DNAH10: variants seen among roughly 807,000 people sequenced by gnomAD.
DNAH10 encodes axonemal beta dynein heavy chain 10.
Under a neutral mutation model 506.6 loss-of-function variants are expected in DNAH10, and 348 were observed. The ratio of observed to expected loss-of-function variants is 0.69; its 90% CI spans 0.63 to 0.75. The LOEUF is 0.75. Ranked by LOEUF, DNAH10 falls within the 30% of genes least tolerant of loss-of-function variation. The pLI, the probability that DNAH10 is intolerant of heterozygous loss-of-function variation, is 0.00. For missense variants in DNAH10, 5,179 were observed against 5,787.1 expected (o/e 0.89, Z 3.41); for synonymous variants, 2,059 against 2,198.6 (o/e 0.94, Z 1.78).
In DNAH10 at chr12:123,784,166, C is replaced by G. The variant is rs550759010; in HGVS notation, c.1219C>G (p.Arg407Gly). 5 of 1,613,982 alleles carry G rather than the reference C, an allele frequency of 3.1e-6. No individual in the cohort carries two copies. In the African/African-American group the frequency reaches 6.7e-5, roughly 22 times the overall value. The change falls in exon 8 of 79, where the codon CGT (arginine) becomes GGT (glycine). Residue 407 changes from arginine (R) to glycine (G), a missense_variant. Arg to Gly is a moderately radical substitution (Grantham distance 125, BLOSUM62 -2). Coordinates refer to ENST00000673944, the MANE Select transcript of DNAH10 (RefSeq NM_001372106.1). ...DNVRFLSTVE[R>G]YFKNITHGSG... is the part of the protein sequence containing the mutation. Reference sequence around the variant, plus strand: ...TGTGCGCTTTCTCTCCACCGTGGAGCGTTATTTCAAGGTATGCTGGGTGTG... The same window carrying G: ...TGTGCGCTTTCTCTCCACCGTGGAGGGTTATTTCAAGGTATGCTGGGTGTG...
chr12:123,772,452 G>C lies in DNAH10; in HGVS notation c.397-382G>C, dbSNP rs116885699. ...AGACCTGCTAAATGAACCCTGTTCT[G>C]TGAAAACCCCAAGGTTGGAGTTTAA... is the stretch of plus-strand genomic sequence containing the variant. On this transcript the variant is annotated intron_variant, in intron 3 of 78. Coordinates refer to ENST00000673944, the MANE Select transcript of DNAH10 (RefSeq NM_001372106.1). 7.6e-4 allele frequency among the ~76,000 whole-genome samples: 116 copies of C among 152,362 alleles called. No homozygotes were observed. The East Asian group carries it at 0.021, about 28-fold the overall frequency.
rs766540768 is a variant in DNAH10, at chr12:123,894,645, A to T, written c.9202A>T (p.Met3068Leu). 1 of 1,613,786 alleles carries T rather than the reference A, an allele frequency of 6.2e-7. No homozygotes were observed. The highest frequency in any genetic ancestry group is 8.5e-7 in the Non-Finnish European group (1 of 1,179,714). The change falls in exon 54 of 79, where the codon ATG (methionine) becomes TTG (leucine). Residue 3068 changes from methionine to leucine, a missense_variant and splice_region_variant. Met to Leu is a conservative substitution (Grantham distance 15, BLOSUM62 2). This residue lies in a region of DNAH10 where 4,844 missense variants were observed against 5,430.5 expected (regional missense o/e 0.89). Transcript: ENST00000673944. ...TTTAATCTCTCTTTCCTTTCAAGGT[A>T]TGGTAAATAACACTGGTATTGACTG... The part of the protein sequence containing the change: ...LRTWCRNFPG[M>L]VNNTGIDWFM...
intron 24 of DNAH10, 34 bp from the exon 25 acceptor site, chr12:123,826,653 T>A: frequency 6.3e-7 from 1 of 1,592,506 alleles, no homozygotes; most frequent in South Asian, 1.1e-5. Context: ...CAAAGGGGTC[T>A]TTGTTGATGG....
In DNAH10 at chr12:123,902,873, G is replaced by A. The variant is rs1422599338; in HGVS notation, c.9641-66G>A. The A allele has an allele frequency of 2.0e-6, 3 of 1,506,604 alleles. No individual in the cohort carries two copies. The African/African-American group carries it at 4.2e-5, about 21-fold the overall frequency. 93.3% of individuals were successfully genotyped at this position (1,506,604 alleles called of 1,614,324 possible). A position where few individuals can be genotyped will look rare whatever the true frequency, so the allele number is the denominator to read the frequency against. ...ACCTTTGAGGACTGCACTCTGCTCA[G>A]AGCCGGGGCCGCGAGTGCATCTCCT... On this transcript the variant is annotated intron_variant, in intron 56 of 78. Transcript: ENST00000673944. This position sits in a 1 kb window ranked among gnomAD's most constrained non-coding sequence, Gnocchi z 4.5.
chr12:123,835,372 C>T (rs764658205), intron 27 of DNAH10, 34 bp from the exon 28 acceptor site: 3 of 1,608,732 alleles, frequency 1.9e-6, no homozygotes, highest in South Asian at 1.1e-5. Flanking sequence ...TATCTGATAA[C>T]CCCTGCTGAC....
At chr12:123,870,300 G>A in intron 43 of DNAH10, 66 bp from the exon 44 acceptor site, 4 of 1,560,906 alleles carry the variant, frequency 2.6e-6, no homozygotes, top group Non-Finnish European at 2.6e-6. Context: ...TTTCAAGCAT[G>A]TGCCAGAACT....
intron 57 of DNAH10, chr12:123,908,272 C>G: frequency 2.2e-6 from 1 of 451,582 alleles, no homozygotes; most frequent in Non-Finnish European, 4.5e-6. Flanking sequence ...CTCCCTGTCT[C>G]TGTTCTTGTG....
intron 12 of DNAH10, among the ~76,000 whole-genome samples, chr12:123,794,700 TC>T (rs1958210241): frequency 6.6e-6 from 1 of 151,518 alleles, no homozygotes; most frequent in Non-Finnish European, 1.5e-5. Flanking sequence ...ATGAAAATTA[TC>T]CTGGTGTGGT....
intron 26 of DNAH10, among the ~76,000 whole-genome samples, chr12:123,831,709 G>A (rs894962893): frequency 1.2e-4 from 18 of 152,030 alleles, no homozygotes; most frequent in African/African-American, 3.4e-4. Flanking sequence ...TGGCTAACAC[G>A]GTGAAACCCC....
At chr12:123,934,505 G>C in intron 77 of DNAH10, 116 bp from the exon 78 acceptor site, 1 of 1,287,316 alleles carries the variant, frequency 7.8e-7, no homozygotes, top group African/African-American at 1.5e-5. Flanking sequence ...TCCCCAATGC[G>C]CTGGGGAGGA....
At chr12:123,901,200 GAGGCCTGTACC>G (rs1953503610) in intron 56 of DNAH10, among the ~76,000 whole-genome samples, 1 of 152,196 alleles carries the variant, frequency 6.6e-6, no homozygotes, top group Non-Finnish European at 1.5e-5. Context: ...TGAGGTTCCT[GAGGCCTGTACC>G]AGCCCTCTTC....
Position 123,851,058 on chromosome 12 carries a change from G to C in DNAH10, c.6273G>C (p.Glu2091Asp). Reference sequence around the variant, plus strand: ...TCTGTGAGATCATGCTCTTCTCTGAGGGCTTCCTGGAGGCCAAGGTGGGGG... The same window carrying C: ...TCTGTGAGATCATGCTCTTCTCTGACGGCTTCCTGGAGGCCAAGGTGGGGG... ...QQICEIMLFS[E>D]GFLEAKTLAK... The change falls in exon 35 of 79, where the codon GAG becomes GAC. Residue 2091 changes from glutamate (E) to aspartate (D), a missense_variant. Around this residue, in one of 3 missense-constraint regions of DNAH10, gnomAD observed 4,844 missense variants for 5,430.5 expected, o/e 0.89. Transcript: ENST00000673944. 1 of 1,604,790 alleles carries C rather than the reference G, an allele frequency of 6.2e-7. No individual in the cohort carries two copies. The highest frequency in any genetic ancestry group is 8.5e-7 in the Non-Finnish European group (1 of 1,173,390).
At chr12:123,934,174 C>T (rs1955360615) in intron 77 of DNAH10, 2 of 697,070 alleles carry the variant, frequency 2.9e-6, no homozygotes, top group African/African-American at 3.5e-5. Context: ...TGCACATCTG[C>T]TGGGTCCTCC....
At chr12:123,843,313 G>A (rs1374224826) in intron 30 of DNAH10, among the ~76,000 whole-genome samples, 1 of 152,154 alleles carries the variant, frequency 6.6e-6, no homozygotes, top group Non-Finnish European at 1.5e-5. Flanking sequence ...AAGCACCTTT[G>A]CCCTGGTCAT....
intron 19 of DNAH10, among the ~76,000 whole-genome samples, chr12:123,810,678 G>A (rs1371575751): frequency 6.6e-6 from 1 of 151,962 alleles, no homozygotes; most frequent in Non-Finnish European, 1.5e-5. Context: ...GGGCGACAGG[G>A]TGAGACTCCG....
chr12:123,880,380 C>T (rs1952451388), intron 50 of DNAH10, among the ~76,000 whole-genome samples: 1 of 152,084 alleles, frequency 6.6e-6, no homozygotes, highest in African/African-American at 2.4e-5. Context: ...CTCTCTGTCA[C>T]CCAGGCCACA....
In DNAH10 at chr12:123,909,651, G is replaced by T. The variant is rs1444762697; in HGVS notation, c.9997+209G>T. 6.6e-6 allele frequency among the ~76,000 whole-genome samples: 1 copy of T among 152,216 alleles called. No homozygotes were observed. The highest frequency in any genetic ancestry group is 1.9e-4 in the East Asian group (1 of 5,208). On this transcript the variant is annotated intron_variant, in intron 58 of 78. Coordinates refer to ENST00000673944, the MANE Select transcript of DNAH10 (RefSeq NM_001372106.1). This position sits in a 1 kb window ranked among gnomAD's most constrained non-coding sequence, Gnocchi z 5.4. ...CAGGGAGAGTGGCTGGGGATGCGCG[G>T]CGGCAGCCGTGCCCACTGAGGGTTC...
At chr12:123,809,038 G>A (rs1958825354) in intron 19 of DNAH10, 85 bp downstream of exon 19, 1 of 1,494,480 alleles carries the variant, frequency 6.7e-7, no homozygotes, top group Non-Finnish European at 9.2e-7. Context: ...ATAGGCGTGA[G>A]CCACTGCCCA....
At chr12:123,858,772 C>T (rs181940295) in intron 37 of DNAH10, among the ~76,000 whole-genome samples, 14 of 152,258 alleles carry the variant, frequency 9.2e-5, no homozygotes, top group South Asian at 2.1e-4. Context: ...ATGCAGCACG[C>T]GTGCTACAAC....
Sources: allele counts gnomAD v4.1 joint callset (sites outside exome capture counted in the v4.1 genomes callset), GRCh38; gene constraint gnomAD v4.1.1; regional missense constraint gnomAD v4.1.1; non-coding constraint Gnocchi (gnomAD v3.1); transcripts MANE v1.5; gene names NCBI Gene and HGNC (gene_info 2026-07-23, HGNC 2026-07-21).